LINGO2: variants seen among roughly 807,000 people sequenced by gnomAD.
LINGO2 encodes leucine rich repeat and Ig domain containing 2.
A neutral mutation model predicts 30.6 loss-of-function variants in LINGO2; 14 were observed. The observed-to-expected ratio is 0.46, with a 90% confidence interval of 0.30 to 0.72. The LOEUF is 0.72. LINGO2 is among the 30% of genes least tolerant of loss of function. The probability of loss-of-function intolerance (pLI) is 0.07; values close to 1 mark genes in which losing one functional copy is unlikely to be tolerated. For missense variants in LINGO2, 729 were observed against 751.7 expected (o/e 0.97, Z 0.35); for synonymous variants, 317 against 288.5 (o/e 1.10, Z -1.00).
chr9:28,813,694 T>C, the LINGO2 span, among the ~76,000 whole-genome samples: 1 of 152,170 alleles, frequency 6.6e-6, no homozygotes, highest in Non-Finnish European at 1.5e-5. Flanking sequence ...TTATATTTTG[T>C]AATAAATGCT....
chr9:29,095,942 T>C, the LINGO2 span, among the ~76,000 whole-genome samples: 1 of 137,818 alleles, frequency 7.3e-6, no homozygotes, highest in African/African-American at 2.7e-5. Flanking sequence ...GGAATGAGAG[T>C]TGAGAAGTAG....
intron 4 of LINGO2, among the ~76,000 whole-genome samples, chr9:28,017,167 A>C (rs1587697371): frequency 1.3e-5 from 2 of 152,288 alleles, no homozygotes; most frequent in South Asian, 2.1e-4. Flanking sequence ...CTCTCAATAA[A>C]CTAGGCATTG....
the LINGO2 span, among the ~76,000 whole-genome samples, chr9:28,758,689 G>C: frequency 6.6e-6 from 1 of 152,096 alleles, no homozygotes; most frequent in African/African-American, 2.4e-5. Flanking sequence ...TATTTAGGTA[G>C]AGTACATCTT....
At chr9:28,053,710 A>G (rs1430535622) in intron 4 of LINGO2, among the ~76,000 whole-genome samples, 1 of 152,094 alleles carries the variant, frequency 6.6e-6, no homozygotes, top group Non-Finnish European at 1.5e-5. Context: ...ATCTTGATAT[A>G]ATAGGTCTAT....
intron 4 of LINGO2, among the ~76,000 whole-genome samples, chr9:28,092,428 C>G (rs992095685): frequency 6.6e-6 from 1 of 151,746 alleles, no homozygotes; most frequent in Non-Finnish European, 1.5e-5. Flanking sequence ...CCATCATTCT[C>G]AGCAAACTGT....
At chr9:28,338,156 C>T (rs760000676) in intron 3 of LINGO2, among the ~76,000 whole-genome samples, 22 of 152,184 alleles carry the variant, frequency 1.4e-4, no homozygotes, top group Non-Finnish European at 2.1e-4. Context: ...GCAAGCCCAC[C>T]TCTTGCATCA....
chr9:27,948,904 C>T (rs1488406258), exon 6 of LINGO2: 2 of 1,614,066 alleles, frequency 1.2e-6, no homozygotes, highest in Non-Finnish European at 1.7e-6. Context: ...CCTTCCACAA[C>T]AGCACCATTG....
chr9:28,371,068 G>A (rs935907669), intron 3 of LINGO2, among the ~76,000 whole-genome samples: 1 of 152,152 alleles, frequency 6.6e-6, no homozygotes, highest in Non-Finnish European at 1.5e-5. Flanking sequence ...GGTTTCACAG[G>A]CAGGTTCAAA....
At chr9:28,396,865 TA>T (rs1822070147) in intron 2 of LINGO2, among the ~76,000 whole-genome samples, 1 of 151,970 alleles carries the variant, frequency 6.6e-6, no homozygotes, top group Admixed American at 6.6e-5. Flanking sequence ...GAGAACCTAG[TA>T]AAAAGTTGAG....
chr9:29,135,745 G>T, the LINGO2 span, among the ~76,000 whole-genome samples: 3 of 151,990 alleles, frequency 2.0e-5, no homozygotes, highest in Non-Finnish European at 2.9e-5. Context: ...TTGCAGAACT[G>T]AACCTCTATA....
intron 5 of LINGO2, among the ~76,000 whole-genome samples, chr9:27,955,965 G>A (rs1819546040): frequency 7.3e-6 from 1 of 137,622 alleles, no homozygotes; most frequent in Non-Finnish European, 1.5e-5. Flanking sequence ...TTGAGACGGA[G>A]TTTCGCTCTT....
intron 4 of LINGO2, among the ~76,000 whole-genome samples, chr9:28,280,780 C>T (rs1823293692): frequency 1.3e-5 from 2 of 152,076 alleles, no homozygotes; most frequent in Admixed American, 1.3e-4. Context: ...AGTTGCTCTC[C>T]CAGCATGAGG....
chr9:28,411,241 A>G (rs764502317), intron 2 of LINGO2, among the ~76,000 whole-genome samples: 25 of 152,094 alleles, frequency 1.6e-4, no homozygotes, highest in Non-Finnish European at 2.2e-4. Context: ...ATATTTAATA[A>G]ACCACATGCT....
At chr9:28,349,342 C>A (rs1344942358) in intron 3 of LINGO2, among the ~76,000 whole-genome samples, 1 of 140,626 alleles carries the variant, frequency 7.1e-6, no homozygotes, top group Non-Finnish European at 1.5e-5. Context: ...TCGAGAACTA[C>A]GTGAAGAATG....
the LINGO2 span, among the ~76,000 whole-genome samples, chr9:28,698,958 C>T: frequency 1.3e-5 from 2 of 152,108 alleles, no homozygotes; most frequent in African/African-American, 4.8e-5. Flanking sequence ...GGGAGGTTCA[C>T]TGAAGCCCAG....
At chr9:28,224,316 G>A (rs144829527) in intron 4 of LINGO2, among the ~76,000 whole-genome samples, 4,423 of 152,134 alleles carry the variant, frequency 0.029, 218 homozygotes, top group African/African-American at 0.1. Flanking sequence ...TGCCCGCCTC[G>A]GCCTCCCAAA....
intron 5 of LINGO2, among the ~76,000 whole-genome samples, chr9:27,976,912 ACTTT>A (rs1334924487): frequency 3.3e-5 from 5 of 152,048 alleles, no homozygotes; most frequent in African/African-American, 1.2e-4. Flanking sequence ...ATTTTGCAGA[ACTTT>A]CTGTGTATTT....
intron 1 of LINGO2, among the ~76,000 whole-genome samples, chr9:28,500,585 C>T (rs1211716553): frequency 1.3e-5 from 2 of 151,646 alleles, no homozygotes; most frequent in East Asian, 3.9e-4. Context: ...TCTCAGAATG[C>T]ACGACAAAAA....
At chr9:28,865,637 G>A in the LINGO2 span, among the ~76,000 whole-genome samples, 2 of 152,100 alleles carry the variant, frequency 1.3e-5, no homozygotes, top group Non-Finnish European at 2.9e-5. Flanking sequence ...ACAAGAAATT[G>A]GCCGGGCATA....
Sources: allele counts gnomAD v4.1 joint callset (sites outside exome capture counted in the v4.1 genomes callset), GRCh38; gene constraint gnomAD v4.1.1; transcripts MANE v1.5; gene names NCBI Gene and HGNC (gene_info 2026-07-23, HGNC 2026-07-21).